Variants in PREX2 observed in about 807,000 individuals in gnomAD.
The protein encoded by PREX2 is phosphatidylinositol 3,4,5-trisphosphate-dependent Rac exchanger 2 protein.
PREX2 carries 107 observed loss-of-function variants against 203.2 expected under a neutral mutation model. The ratio of observed to expected loss-of-function variants is 0.53; its 90% confidence interval spans 0.45 to 0.62. The LOEUF (loss-of-function observed/expected upper bound fraction) is 0.62, where lower values mean the gene tolerates loss of function less well. PREX2 is among the 20% of genes least tolerant of loss of function. The pLI is 0.00. For synonymous variants in PREX2, 672 were observed against 663.6 expected (o/e 1.01, Z -0.19); for missense variants, 1,777 against 1,955.9 (o/e 0.91, Z 1.72).
chr8:68,214,139 A>G (rs1812790579), intron 37 of PREX2, among the ~76,000 whole-genome samples: 2 of 152,196 alleles, frequency 1.3e-5, no homozygotes, highest in South Asian at 4.1e-4. Flanking sequence ...GGTGGCTCAC[A>G]CCTGTAATTC....
At chr8:67,964,419 A>G (rs997519559) in intron 1 of PREX2, among the ~76,000 whole-genome samples, 3 of 152,212 alleles carry the variant, frequency 2.0e-5, no homozygotes, top group African/African-American at 7.2e-5. Context: ...CACATTTTGA[A>G]TCCATTGATA....
At position 68,115,739 on chromosome 8, in the gene PREX2, A is replaced by G. The variant is rs373840952; in HGVS notation, c.3147-14A>G. On this transcript the variant is annotated splice_polypyrimidine_tract_variant and intron_variant, in intron 25 of 39. Transcript: ENST00000288368. The stretch of plus-strand genomic sequence containing the variant: ...GTTTGAAAATGTGCATTTTTTTTTA[A>G]TATTACATTGCAGCCTTCTGTCTTC... 6.3e-7 allele frequency: 1 copy of G among 1,585,804 alleles called. No homozygotes were observed. The highest frequency in any genetic ancestry group is 1.2e-5 in the South Asian group (1 of 86,648).
chr8:68,045,633 G>A (rs1808328569), intron 8 of PREX2, among the ~76,000 whole-genome samples: 1 of 152,126 alleles, frequency 6.6e-6, no homozygotes, highest in Admixed American at 6.5e-5. Flanking sequence ...GGTGGTGCCT[G>A]AGACTGAGCA....
At chr8:68,213,217 A>G (rs1812773844) in intron 37 of PREX2, among the ~76,000 whole-genome samples, 1 of 152,224 alleles carries the variant, frequency 6.6e-6, no homozygotes, top group African/African-American at 2.4e-5. Context: ...TTCAAAAATA[A>G]CCACAGCGAA....
Position 68,138,505 on chromosome 8 carries a change from C to T in PREX2, c.4075C>T (p.Pro1359Ser). The T allele has an allele frequency of 6.3e-7, 1 of 1,576,600 alleles. No homozygotes were observed. Among genetic ancestry groups the T allele is most frequent in the Non-Finnish European group, 8.7e-7 (1 of 1,153,710 alleles). ...TTACTTTAAACCATCAGAAGAGGAACCTCTGGTTGCAAGTAAGTAATTAGG... is the reference window on the plus strand; with the variant it reads ...TTACTTTAAACCATCAGAAGAGGAATCTCTGGTTGCAAGTAAGTAATTAGG... ...SFYFKPSEEEPLVANVPLTYQ... is the reference protein window; with the variant it reads ...SFYFKPSEEESLVANVPLTYQ... The change falls in exon 33 of 40, where the codon CCT becomes TCT. Residue 1359 changes from proline to serine, a missense_variant. Physicochemically the swap from Pro to Ser is moderately conservative, Grantham distance 74. Coordinates refer to ENST00000288368, the MANE Select transcript of PREX2 (RefSeq NM_024870.4).
chr8:68,136,709 C>CT (rs113473881), intron 32 of PREX2, among the ~76,000 whole-genome samples: 12 of 152,246 alleles, frequency 7.9e-5, no homozygotes, highest in African/African-American at 2.9e-4. Flanking sequence ...CCAGTACTTA[C>CT]TGTGTACTGT....
chr8:68,076,895 C>T (rs1277011868), intron 14 of PREX2, among the ~76,000 whole-genome samples: 4 of 151,944 alleles, frequency 2.6e-5, no homozygotes, highest in Non-Finnish European at 4.4e-5. Flanking sequence ...CTAGCTCAGC[C>T]AAACGATTTA....
intron 37 of PREX2, among the ~76,000 whole-genome samples, chr8:68,202,747 A>T (rs1274612215): frequency 6.6e-6 from 1 of 152,116 alleles, no homozygotes; most frequent in Non-Finnish European, 1.5e-5. Context: ...AGAGAGAGAC[A>T]GAGAGACGAA....
At chr8:68,024,499 C>T (rs1807658303) in intron 4 of PREX2, among the ~76,000 whole-genome samples, 1 of 151,774 alleles carries the variant, frequency 6.6e-6, no homozygotes, top group South Asian at 2.1e-4. Context: ...AGCTCTCTTA[C>T]TATTTGTATA....
intron 35 of PREX2, among the ~76,000 whole-genome samples, chr8:68,172,348 G>A (rs1271126467): frequency 2.6e-5 from 4 of 152,144 alleles, no homozygotes; most frequent in East Asian, 1.9e-4. Flanking sequence ...AAGAACTGCG[G>A]GTACTTGCAT....
intron 23 of PREX2, among the ~76,000 whole-genome samples, chr8:68,101,213 A>G (rs1810254901): frequency 6.6e-6 from 1 of 152,168 alleles, no homozygotes; most frequent in Non-Finnish European, 1.5e-5. Flanking sequence ...AAGCCCATAT[A>G]TGTCTATATT....
intron 35 of PREX2, among the ~76,000 whole-genome samples, chr8:68,188,168 T>A (rs34276874): frequency 1.3e-5 from 2 of 152,044 alleles, no homozygotes; most frequent in African/African-American, 2.4e-5. Flanking sequence ...CTCACTAGTT[T>A]GGGGACATGA....
In PREX2 at chr8:68,165,174, C is replaced by T. The variant is rs72662914; in HGVS notation, c.4346+7738C>T. Among the ~76,000 whole-genome samples the T allele has an allele frequency of 6.0e-3, 909 of 152,170 alleles. 4 individuals are homozygous for T. Among genetic ancestry groups the T allele is most frequent in the Non-Finnish European group, 9.2e-3 (625 of 68,014 alleles). On this transcript the variant is annotated intron_variant, in intron 35 of 39. Transcript: ENST00000288368. ...TCTCAGCAGGAGTGCTGCCTCAGCT[C>T]ATTCCCTGGATGTTAGCATTTCAAC...
At chr8:68,045,287 G>T (rs2129610913) in intron 8 of PREX2, among the ~76,000 whole-genome samples, 1 of 151,904 alleles carries the variant, frequency 6.6e-6, no homozygotes, top group South Asian at 2.1e-4. Flanking sequence ...TTTCCCCAAT[G>T]ATTTTAGTTA....
In PREX2 at chr8:68,233,451, A is replaced by C. The variant is rs1813207360; in HGVS notation, c.*2073A>C. 1 of 152,218 alleles carries C rather than the reference A, an allele frequency of 6.6e-6. No homozygotes were observed. Among genetic ancestry groups the C allele is most frequent in the Non-Finnish European group, 1.5e-5 (1 of 68,046 alleles). The allele number at this position is 152,218 out of a possible 1,614,324, so 9.4% of individuals were successfully genotyped here. On this transcript the variant is annotated 3_prime_UTR_variant, in exon 40 of 40. Coordinates refer to ENST00000288368, the MANE Select transcript of PREX2 (RefSeq NM_024870.4). ...TTTAAGGATCTACTTTCTTCATAAT[A>C]GAATGTGCTTCATATTATTTTTAGG...
intron 7 of PREX2, among the ~76,000 whole-genome samples, chr8:68,042,404 A>G (rs1808225559): frequency 6.6e-6 from 1 of 152,116 alleles, no homozygotes; most frequent in Non-Finnish European, 1.5e-5. Flanking sequence ...AAAAAATAGT[A>G]TCATAGCGTT....
chr8:68,191,856 G>A (rs1812300772), intron 36 of PREX2, 68 bp downstream of exon 36: 3 of 1,099,916 alleles, frequency 2.7e-6, no homozygotes, highest in Admixed American at 1.8e-5. Context: ...ATTTTCTGCT[G>A]TTGTTCTGCA....
Position 68,080,559 on chromosome 8 carries a change from G to A in PREX2, c.1759G>A (p.Glu587Lys). The A allele has an allele frequency of 6.2e-7, 1 of 1,607,832 alleles. No homozygotes were observed. The highest frequency in any genetic ancestry group is 1.1e-5 in the South Asian group (1 of 90,336). ...TATGAAACATGACTTAAAAGTTGTG[G>A]AAAATGTTATAGCTAAGTCATTATT... ...RLMKHDLKVV[E>K]NVIAKSLLIK... Residue 587 changes from glutamate to lysine, a missense_variant, in exon 16 of 40, where the codon GAA (glutamate) becomes AAA (lysine). Coordinates refer to ENST00000288368, the MANE Select transcript of PREX2 (RefSeq NM_024870.4).
intron 33 of PREX2, among the ~76,000 whole-genome samples, chr8:68,143,354 G>T (rs958039685): frequency 2.0e-5 from 3 of 152,036 alleles, no homozygotes; most frequent in African/African-American, 7.2e-5. Context: ...TCTTGCTCTT[G>T]CCATATGATG....
Sources: allele counts gnomAD v4.1 joint callset (sites outside exome capture counted in the v4.1 genomes callset), GRCh38; gene constraint gnomAD v4.1.1; transcripts MANE v1.5; gene names NCBI Gene and HGNC (gene_info 2026-07-23, HGNC 2026-07-21).